GREM1: variants seen among roughly 807,000 people sequenced by gnomAD.
GREM1 encodes the protein gremlin 1, DAN family BMP antagonist, also known as gremlin-1.
In GREM1, 6 loss-of-function variants were observed where a neutral mutation model predicts 13.1. That is an observed-to-expected ratio of 0.46 (90% CI 0.25 to 0.91). The LOEUF (loss-of-function observed/expected upper bound fraction) is 0.91, where lower values mean the gene tolerates loss of function less well. Among genes scored for constraint, GREM1 ranks in the 40% least tolerant of loss-of-function variants. The pLI, the probability that GREM1 is intolerant of heterozygous loss-of-function variation, is 0.18. For synonymous variants in GREM1, 98 were observed against 93.7 expected (o/e 1.05, Z -0.27); for missense variants, 185 against 233.9 (o/e 0.79, Z 1.36).
At chr15:32,727,921 C>T (rs2055543016) in intron 1 of GREM1, among the ~76,000 whole-genome samples, 1 of 152,156 alleles carries the variant, frequency 6.6e-6, no homozygotes, top group Admixed American at 6.5e-5. Flanking sequence ...AGGAATCCAA[C>T]TTACAAGGGA....
rs2055620021 is a variant in GREM1 at position 32,731,563 on chromosome 15, C to G, written c.*318C>G. On this transcript the variant is annotated 3_prime_UTR_variant, in exon 2 of 2. Transcript: ENST00000651154. ...AAAGGGGCGGGGCCGTGGTCTGGTT[C>G]TGACTTTGTGTTTTTGTGCCCTCCT... is the stretch of plus-strand genomic sequence containing the variant. 1 of 390,852 alleles carries G rather than the reference C, an allele frequency of 2.6e-6. No individual in the cohort carries two copies. The highest frequency in any genetic ancestry group is 2.0e-5 in the African/African-American group (1 of 49,210). The allele number at this position is 390,852 out of a possible 1,614,324, so 24.2% of individuals were successfully genotyped here.
Position 32,733,928 on chromosome 15 carries a change from GA to G in GREM1, c.*2684del, listed in dbSNP as rs1567115406. Reference sequence around the variant, plus strand: ...GTTAAGAGTGTAAGTGAAAAATCTGGAGGAGAGGATAATTTCCACTGTGTGG... The same window carrying G: ...GTTAAGAGTGTAAGTGAAAAATCTGGGGAGAGGATAATTTCCACTGTGTGG... On this transcript the variant is annotated 3_prime_UTR_variant, in exon 2 of 2. Transcript: ENST00000651154. 1 of 240,594 alleles carries G rather than the reference GA, an allele frequency of 4.2e-6. No individual in the cohort carries two copies. The highest frequency in any genetic ancestry group is 8.8e-6 in the Non-Finnish European group (1 of 113,518). 14.9% of individuals were successfully genotyped at this position (240,594 alleles called of 1,614,324 possible). A position where few individuals can be genotyped will look rare whatever the true frequency, so the allele number is the denominator to read the frequency against.
chr15:32,725,403 C>T (rs767380201), intron 1 of GREM1, among the ~76,000 whole-genome samples: 14 of 152,068 alleles, frequency 9.2e-5, no homozygotes, highest in Non-Finnish European at 1.5e-5. Context: ...TGAGCTTTTT[C>T]TCATATGTTT....
Position 32,730,945 on chromosome 15 carries a change from G to A in GREM1, c.255G>A (p.Glu85=), listed in dbSNP as rs1412841342. The A allele has an allele frequency of 3.7e-6, 6 of 1,614,106 alleles. No homozygotes were observed. Among genetic ancestry groups the A allele is most frequent in the African/African-American group, 1.3e-5 (1 of 75,038 alleles). The change falls in exon 2 of 2, where the codon GAG becomes GAA. Residue 85 remains glutamate, a synonymous_variant. Coordinates refer to ENST00000651154, the MANE Select transcript of GREM1 (RefSeq NM_013372.7). ...ESSQEALHVT[E]RKYLKRDWCK... ...GCCAAGAGGCCCTGCATGTGACGGA[G>A]CGCAAATACCTGAAGCGAGACTGGT...
intron 1 of GREM1, among the ~76,000 whole-genome samples, chr15:32,719,858 C>T (rs1194794301): frequency 6.6e-6 from 1 of 151,988 alleles, no homozygotes; most frequent in East Asian, 1.9e-4. Flanking sequence ...CCCCTTTTCT[C>T]TTTTTTTGGA....
intron 1 of GREM1, among the ~76,000 whole-genome samples, chr15:32,727,712 C>A (rs1156844089): frequency 5.9e-5 from 9 of 152,158 alleles, no homozygotes; most frequent in Non-Finnish European, 1.2e-4. Context: ...TCTCTGTTTG[C>A]AGATGACATG....
In GREM1 at chr15:32,733,936, G is replaced by C. The variant is rs2055663591; in HGVS notation, c.*2691G>C. ...TGTAAGTGAAAAATCTGGAGGAGAGGATAATTTCCACTGTGTGGAATGTGA... is the reference window on the plus strand; with the variant it reads ...TGTAAGTGAAAAATCTGGAGGAGAGCATAATTTCCACTGTGTGGAATGTGA... On this transcript the variant is annotated 3_prime_UTR_variant, in exon 2 of 2. Transcript: ENST00000651154. The C allele has an allele frequency of 8.3e-6, 2 of 240,644 alleles. No homozygotes were observed. The highest frequency in any genetic ancestry group is 1.8e-5 in the Non-Finnish European group (2 of 113,572). 14.9% of individuals were successfully genotyped at this position (240,644 alleles called of 1,614,324 possible). A position where few individuals can be genotyped will look rare whatever the true frequency, so the allele number is the denominator to read the frequency against.
In GREM1 at chr15:32,740,396, G is replaced by C. The variant is rs1196052330; in HGVS notation, c.*9151G>C. ...AGTTAAGAATTTTGACAAAGAGATA[G>C]AGTATATTTAAAAGTACCAAAAAGA... On this transcript the variant is annotated 3_prime_UTR_variant, in exon 2 of 2. Coordinates refer to ENST00000651154, the MANE Select transcript of GREM1 (RefSeq NM_013372.7). 1.3e-5 allele frequency: 2 copies of C among 152,098 alleles called. No individual in the cohort carries two copies. The highest frequency in any genetic ancestry group is 2.9e-5 in the Non-Finnish European group (2 of 68,010). The allele number at this position is 152,098 out of a possible 1,614,324, so 9.4% of individuals were successfully genotyped here.
At chr15:32,724,306 G>C (rs1346765603) in intron 1 of GREM1, among the ~76,000 whole-genome samples, 1 of 152,164 alleles carries the variant, frequency 6.6e-6, no homozygotes, top group Non-Finnish European at 1.5e-5. Flanking sequence ...GTCTCAGATT[G>C]GCCTCTGTGA....
chr15:32,729,479 TA>T (rs1298662472), intron 1 of GREM1, among the ~76,000 whole-genome samples: 1 of 152,242 alleles, frequency 6.6e-6, no homozygotes, highest in Non-Finnish European at 1.5e-5. Context: ...CTGCCTTTAC[TA>T]CCTCCCCTGA....
chr15:32,732,283 T>C lies in GREM1; in HGVS notation c.*1038T>C, dbSNP rs2055632811. 1 of 237,382 alleles carries C rather than the reference T, an allele frequency of 4.2e-6. No homozygotes were observed. Among genetic ancestry groups the C allele is most frequent in the Non-Finnish European group, 9.0e-6 (1 of 111,530 alleles). The allele number at this position is 237,382 out of a possible 1,614,324, so 14.7% of individuals were successfully genotyped here. The stretch of plus-strand genomic sequence containing the variant: ...AGGCTGAAATTCCTAATACCTTTCC[T>C]TTATCGTGGTTATAGTCAGCTCATT... On this transcript the variant is annotated 3_prime_UTR_variant, in exon 2 of 2. Transcript: ENST00000651154.
intron 1 of GREM1, among the ~76,000 whole-genome samples, chr15:32,720,285 AC>A (rs1183913987): frequency 6.6e-6 from 1 of 152,164 alleles, no homozygotes; most frequent in African/African-American, 2.4e-5. Context: ...AAGGATAAAA[AC>A]CTTTTATGTC....
chr15:32,740,307 C>T lies in GREM1; in HGVS notation c.*9062C>T, dbSNP rs2055749896. ...AAATAAACTTATGTGATTTACCTGA[C>T]AGAGAATTCAGAATAGCTCTCATAA... On this transcript the variant is annotated 3_prime_UTR_variant, in exon 2 of 2. Coordinates refer to ENST00000651154, the MANE Select transcript of GREM1 (RefSeq NM_013372.7). The T allele has an allele frequency of 1.3e-5, 2 of 152,146 alleles. No individual in the cohort carries two copies. The highest frequency in any genetic ancestry group is 1.3e-4 in the Admixed American group (2 of 15,274). 9.4% of individuals were successfully genotyped at this position (152,146 alleles called of 1,614,324 possible).
intron 1 of GREM1, among the ~76,000 whole-genome samples, chr15:32,720,500 T>A (rs1333280219): frequency 6.6e-6 from 1 of 152,106 alleles, no homozygotes; most frequent in Non-Finnish European, 1.5e-5. Flanking sequence ...AATATAAACC[T>A]TTTATGTAAA....
chr15:32,730,922 C>T lies in GREM1; in HGVS notation c.232C>T (p.Gln78Ter). The T allele has an allele frequency of 6.2e-7, 1 of 1,613,970 alleles. No individual in the cohort carries two copies. The highest frequency in any genetic ancestry group is 8.5e-7 in the Non-Finnish European group (1 of 1,179,998). Residue 78 changes from glutamine (Q) to a stop codon, truncating the protein, a stop_gained, in exon 2 of 2, where the codon CAA (glutamine) becomes TAA (stop). Coordinates refer to ENST00000651154, the MANE Select transcript of GREM1 (RefSeq NM_013372.7). LOFTEE classifies it high-confidence loss of function. ...CGGGGAGGAGGTGCTGGAGTCCAGC[C>T]AAGAGGCCCTGCATGTGACGGAGCG... The part of the protein sequence containing the change: ...MPGEEVLESS[Q>*]EALHVTERKY...
Position 32,743,713 on chromosome 15 carries a change from C to G in GREM1, c.*12468C>G, listed in dbSNP as rs572321703. On this transcript the variant is annotated 3_prime_UTR_variant, in exon 2 of 2. Transcript: ENST00000651154. ...GGAGGCCAAATGTGCTAGGCAAAGCCTCATGCACATTTCTCTGTAAGGAAA... is the reference window on the plus strand; with the variant it reads ...GGAGGCCAAATGTGCTAGGCAAAGCGTCATGCACATTTCTCTGTAAGGAAA... 9.9e-5 allele frequency: 15 copies of G among 152,016 alleles called. No individual in the cohort carries two copies. Among genetic ancestry groups the G allele is most frequent in the African/African-American group, 3.6e-4 (15 of 41,468 alleles). 9.4% of individuals were successfully genotyped at this position (152,016 alleles called of 1,614,324 possible). A position where few individuals can be genotyped will look rare whatever the true frequency, so the allele number is the denominator to read the frequency against.
chr15:32,728,283 G>C (rs2055549874), intron 1 of GREM1, among the ~76,000 whole-genome samples: 1 of 152,060 alleles, frequency 6.6e-6, no homozygotes, highest in South Asian at 2.1e-4. Context: ...TAGTATAAGT[G>C]CTTTTTTTTA....
chr15:32,729,819 T>A (rs1259295170), intron 1 of GREM1, among the ~76,000 whole-genome samples: 1 of 150,352 alleles, frequency 6.7e-6, no homozygotes, highest in East Asian at 2.0e-4. Context: ...TATTTCACTA[T>A]TTAAAAGGTA....
At chr15:32,728,295 A>G (rs1192343485) in intron 1 of GREM1, among the ~76,000 whole-genome samples, 17 of 152,180 alleles carry the variant, frequency 1.1e-4, no homozygotes, top group Admixed American at 1.1e-3. Flanking sequence ...TTTTTTTTAA[A>G]AGACAAAGTA....
Sources: allele counts gnomAD v4.1 joint callset (sites outside exome capture counted in the v4.1 genomes callset), GRCh38; gene constraint gnomAD v4.1.1; transcripts MANE v1.5; gene names NCBI Gene and HGNC (gene_info 2026-07-23, HGNC 2026-07-21).